Variants in GNA12 observed in about 807,000 individuals in gnomAD.
GNA12 encodes the protein guanine nucleotide-binding protein subunit alpha-12.
A neutral mutation model predicts 26.0 loss-of-function variants in GNA12; 9 were observed. The observed-to-expected ratio is 0.35, with a 90% CI of 0.21 to 0.60. The LOEUF (loss-of-function observed/expected upper bound fraction) is 0.60. Among genes scored for constraint, GNA12 ranks in the 20% least tolerant of loss-of-function variants. The probability of loss-of-function intolerance (pLI) is 0.78; values close to 1 mark genes in which losing one functional copy is unlikely to be tolerated. For synonymous variants in GNA12, 264 were observed against 219.6 expected (o/e 1.20, Z -1.79); for missense variants, 405 against 525.8 (o/e 0.77, Z 2.25).
chr7:2,764,451 T>A (rs1163603011), intron 2 of GNA12, among the ~76,000 whole-genome samples: 1 of 152,162 alleles, frequency 6.6e-6, no homozygotes, highest in East Asian at 1.9e-4. Flanking sequence ...AGATTCCGTA[T>A]GAAGTCTATT....
chr7:2,811,918 A>G (rs1489161714), intron 1 of GNA12, among the ~76,000 whole-genome samples: 1 of 152,266 alleles, frequency 6.6e-6, no homozygotes, highest in African/African-American at 2.4e-5. Context: ...GTCCCCGTCC[A>G]TCTTATAAAA....
intron 2 of GNA12, among the ~76,000 whole-genome samples, chr7:2,753,934 C>A (rs1452192579): frequency 6.6e-6 from 1 of 152,134 alleles, no homozygotes; most frequent in Non-Finnish European, 1.5e-5. Flanking sequence ...GTTAATCCGA[C>A]CACGAGCTCT....
In GNA12 at chr7:2,763,191, A is replaced by AACACACACACACACACAC. The variant is rs56384682; in HGVS notation, c.526-29708_526-29691dup. On this transcript the variant is annotated intron_variant, in intron 2 of 3. Coordinates refer to ENST00000275364, the MANE Select transcript of GNA12 (RefSeq NM_007353.3). ...TTAGCAGGACTTCACAAGACACCCC[A>AACACACACACACACACAC]ACACACACACACACACACACACACA... The AACACACACACACACACAC allele has an allele frequency of 9.6e-3, 2,137 of 222,640 alleles. 37 individuals are homozygous for AACACACACACACACACAC. The highest frequency in any genetic ancestry group is 0.011 in the Non-Finnish European group (1,514 of 133,098). 13.8% of individuals were successfully genotyped at this position (222,640 alleles called of 1,614,324 possible). A position where few individuals can be genotyped will look rare whatever the true frequency, so the allele number is the denominator to read the frequency against.
chr7:2,787,716 G>T (rs1404843247), intron 2 of GNA12, among the ~76,000 whole-genome samples: 4 of 152,250 alleles, frequency 2.6e-5, no homozygotes, highest in African/African-American at 7.2e-5. Flanking sequence ...CATCGGGAAG[G>T]GGGAGAGGCC....
intron 2 of GNA12, among the ~76,000 whole-genome samples, chr7:2,740,186 T>A (rs918437402): frequency 6.6e-6 from 1 of 152,202 alleles, no homozygotes; most frequent in Non-Finnish European, 1.5e-5. Flanking sequence ...TTTTCTGGCA[T>A]TTCCTGGTGA....
Position 2,729,321 on chromosome 7 carries a change from G to A in GNA12, c.*1860C>T, listed in dbSNP as rs1243309421. 1 of 152,368 alleles carries A rather than the reference G, an allele frequency of 6.6e-6. No homozygotes were observed. Among genetic ancestry groups the A allele is most frequent in the Non-Finnish European group, 1.5e-5 (1 of 68,088 alleles). The allele number at this position is 152,368 out of a possible 1,614,324, so 9.4% of individuals were successfully genotyped here. On this transcript the variant is annotated 3_prime_UTR_variant, in exon 4 of 4. Transcript: ENST00000275364. ...AAATGGGACCTGAGACCACCCCGAGGGCCCCACCAGGAGCTCTCTTTCTCC... is the reference window on the plus strand; with the variant it reads ...AAATGGGACCTGAGACCACCCCGAGAGCCCCACCAGGAGCTCTCTTTCTCC...
intron 1 of GNA12, among the ~76,000 whole-genome samples, chr7:2,832,223 T>C (rs1778693623): frequency 6.6e-6 from 1 of 152,226 alleles, no homozygotes; most frequent in African/African-American, 2.4e-5. Flanking sequence ...TTCCCAGTGA[T>C]GTTCCGGCTC....
chr7:2,735,705 T>C lies in GNA12; in HGVS notation c.526-2204A>G, dbSNP rs536998780. On this transcript the variant is annotated intron_variant, in intron 2 of 3. Transcript: ENST00000275364. ...TCATCACAGCATTTGTATCACTACT[T>C]GGAATGCAGGAAAACTTATCTGTGA... Among the ~76,000 whole-genome samples the C allele has an allele frequency of 4.6e-5, 7 of 152,256 alleles. No homozygotes were observed. The East Asian group carries it at 1.4e-3, about 29-fold the overall frequency.
chr7:2,746,069 T>C (rs1583227278), intron 2 of GNA12, among the ~76,000 whole-genome samples: 2 of 152,226 alleles, frequency 1.3e-5, no homozygotes, highest in Non-Finnish European at 2.9e-5. Context: ...ACAATAATAA[T>C]GGGAGACTTT....
At chr7:2,800,819 T>A (rs1792792103) in intron 1 of GNA12, among the ~76,000 whole-genome samples, 1 of 152,144 alleles carries the variant, frequency 6.6e-6, no homozygotes, top group African/African-American at 2.4e-5. Flanking sequence ...CTCTCCACTT[T>A]CCTTCCTCCC....
chr7:2,805,905 C>T (rs868526895), intron 1 of GNA12, among the ~76,000 whole-genome samples: 6 of 152,090 alleles, frequency 3.9e-5, no homozygotes, highest in Non-Finnish European at 8.8e-5. Flanking sequence ...GAGCAGTGGA[C>T]GTGCGGCCCA....
chr7:2,815,870 C>T (rs1562443080), intron 1 of GNA12, among the ~76,000 whole-genome samples: 1 of 152,262 alleles, frequency 6.6e-6, no homozygotes, highest in Non-Finnish European at 1.5e-5. Context: ...TCCATCTACA[C>T]AAACACTGAA....
chr7:2,826,045 T>C lies in GNA12; in HGVS notation c.309+17808A>G, dbSNP rs368914657. ...GAACTCTCATTCCCTGCTCTGGGAATGCAAACTCCGGAAGACAGTTGGGCA... is the reference window on the plus strand; with the variant it reads ...GAACTCTCATTCCCTGCTCTGGGAACGCAAACTCCGGAAGACAGTTGGGCA... On this transcript the variant is annotated intron_variant, in intron 1 of 3. Transcript: ENST00000275364. 1.9e-4 allele frequency among the ~76,000 whole-genome samples: 29 copies of C among 152,188 alleles called. No homozygotes were observed. The South Asian group carries it at 6.0e-3, about 32-fold the overall frequency.
At chr7:2,834,654 G>A (rs1187981828) in intron 1 of GNA12, among the ~76,000 whole-genome samples, 1 of 152,194 alleles carries the variant, frequency 6.6e-6, no homozygotes, top group African/African-American at 2.4e-5. Flanking sequence ...GCATAATGAT[G>A]TTTTGGTAAA....
At chr7:2,753,486 G>C (rs1791136394) in intron 2 of GNA12, among the ~76,000 whole-genome samples, 1 of 152,130 alleles carries the variant, frequency 6.6e-6, no homozygotes, top group Non-Finnish European at 1.5e-5. Context: ...TAATGTCCTT[G>C]GGATCTGCTC....
At chr7:2,787,196 C>T (rs1410634162) in intron 2 of GNA12, among the ~76,000 whole-genome samples, 38 of 152,186 alleles carry the variant, frequency 2.5e-4, no homozygotes, top group Non-Finnish European at 5.9e-5. Context: ...CTGTGAATCC[C>T]TCCCGGTTCT....
At chr7:2,778,087 C>T (rs75932783) in intron 2 of GNA12, among the ~76,000 whole-genome samples, 2,052 of 152,228 alleles carry the variant, frequency 0.013, 52 homozygotes, top group African/African-American at 0.047. Context: ...GCCGCCTTAG[C>T]GGCATAGTCT....
At chr7:2,759,948 TG>T (rs1261903643) in intron 2 of GNA12, among the ~76,000 whole-genome samples, 3 of 152,312 alleles carry the variant, frequency 2.0e-5, no homozygotes, top group African/African-American at 7.2e-5. Context: ...AAGCAGGCTG[TG>T]TAGGCTGGAA....
chr7:2,779,037 G>C (rs1381070960), intron 2 of GNA12, among the ~76,000 whole-genome samples: 1 of 152,164 alleles, frequency 6.6e-6, no homozygotes, highest in African/African-American at 2.4e-5. Context: ...CTGCTTCACA[G>C]TGAGACTATC....
Sources: allele counts gnomAD v4.1 joint callset (sites outside exome capture counted in the v4.1 genomes callset), GRCh38; gene constraint gnomAD v4.1.1; transcripts MANE v1.5; gene names NCBI Gene and HGNC (gene_info 2026-07-23, HGNC 2026-07-21).